Variants in OPCML observed in about 807,000 individuals in gnomAD.
OPCML encodes opioid binding protein/cell adhesion molecule like, also known as opioid-binding protein/cell adhesion molecule.
A neutral mutation model predicts 37.8 loss-of-function variants in OPCML; 13 were observed. That is an observed-to-expected ratio of 0.34 (90% confidence interval 0.22 to 0.55). The LOEUF is 0.55. Among genes scored for constraint, OPCML ranks in the 20% least tolerant of loss-of-function variants. The probability of loss-of-function intolerance (pLI) is 0.91; values close to 1 mark genes in which losing one functional copy is unlikely to be tolerated. For synonymous variants in OPCML, 176 were observed against 168.8 expected (o/e 1.04, Z -0.33); for missense variants, 341 against 435.6 (o/e 0.78, Z 1.93).
At chr11:132,749,141 C>T (rs1049394100) in intron 2 of OPCML, among the ~76,000 whole-genome samples, 2 of 152,114 alleles carry the variant, frequency 1.3e-5, no homozygotes, top group African/African-American at 4.8e-5. Flanking sequence ...CTCTTTCCAC[C>T]ATGTGAGGTT....
chr11:133,263,890 T>G (rs1184492088), intron 1 of OPCML, among the ~76,000 whole-genome samples: 2 of 152,202 alleles, frequency 1.3e-5, no homozygotes, highest in African/African-American at 4.8e-5. Flanking sequence ...GGAGTTATTT[T>G]GTAAAAGTTC....
intron 3 of OPCML, among the ~76,000 whole-genome samples, chr11:132,614,462 C>T (rs1938864020): frequency 6.6e-6 from 1 of 152,208 alleles, no homozygotes; most frequent in Admixed American, 6.5e-5. Context: ...GTGACACCTT[C>T]CTCTTCCGTC....
intron 1 of OPCML, among the ~76,000 whole-genome samples, chr11:133,432,361 T>A (rs528913997): frequency 1.1e-3 from 173 of 152,136 alleles, no homozygotes; most frequent in Middle Eastern, 3.4e-3. Context: ...TCTATTTTTT[T>A]AAAAAAAACA....
chr11:133,088,557 T>TGGGTTACAATACCAAAGG (rs1948852809), intron 1 of OPCML, among the ~76,000 whole-genome samples: 1 of 152,210 alleles, frequency 6.6e-6, no homozygotes, highest in African/African-American at 2.4e-5. Context: ...TCCAATGAAT[T>TGGGTTACAATACCAAAGG]GGGTTACAAT....
At chr11:132,916,973 A>G (rs527247675) in intron 2 of OPCML, among the ~76,000 whole-genome samples, 4 of 152,300 alleles carry the variant, frequency 2.6e-5, no homozygotes, top group African/African-American at 9.6e-5. Context: ...GGAGCTTCCC[A>G]TGAGGTCCCA....
intron 1 of OPCML, among the ~76,000 whole-genome samples, chr11:133,466,684 A>G (rs1718710004): frequency 6.6e-6 from 1 of 152,228 alleles, no homozygotes; most frequent in South Asian, 2.1e-4. Flanking sequence ...CAAAAAATAC[A>G]TTTCTTCATA....
At chr11:133,115,854 T>G (rs1418391764) in intron 1 of OPCML, among the ~76,000 whole-genome samples, 2 of 116,950 alleles carry the variant, frequency 1.7e-5, no homozygotes, top group Non-Finnish European at 3.7e-5. Context: ...GTTTACTTCC[T>G]TATATAAGTA....
intron 1 of OPCML, among the ~76,000 whole-genome samples, chr11:133,019,805 G>A (rs551736240): frequency 6.6e-6 from 1 of 152,020 alleles, no homozygotes; most frequent in Non-Finnish European, 1.5e-5. Context: ...TGACAGGAAG[G>A]GCCACTCCTG....
At position 133,021,198 on chromosome 11, in the gene OPCML, A is replaced by G. The variant is rs115509273; in HGVS notation, c.62-78188T>C. On this transcript the variant is annotated intron_variant, in intron 1 of 7. Coordinates refer to ENST00000524381, the MANE Select transcript of OPCML (RefSeq NM_001012393.5). The stretch of plus-strand genomic sequence containing the variant: ...GTCTTGTAAGAGGATACATACAGGT[A>G]AGAGAATGAACACAATGCAGTGTGG... 3.6e-3 allele frequency among the ~76,000 whole-genome samples: 553 copies of G among 152,312 alleles called. 2 individuals carry two copies. Among genetic ancestry groups the G allele is most frequent in the African/African-American group, 0.011 (441 of 41,564 alleles).
chr11:133,365,152 CAG>C (rs1331701726), intron 1 of OPCML, among the ~76,000 whole-genome samples: 3 of 152,154 alleles, frequency 2.0e-5, no homozygotes, highest in African/African-American at 4.8e-5. Context: ...GTGCAGTCAG[CAG>C]AGTTACACAG....
At position 133,055,219 on chromosome 11, in the gene OPCML, C is replaced by A. The variant is rs559524757; in HGVS notation, c.62-112209G>T. ...CAAGTGGTGAGACTCCATGAGGGAG[C>A]CACCTCTACCATATAATGCTGCCTC... On this transcript the variant is annotated intron_variant, in intron 1 of 7. Coordinates refer to ENST00000524381, the MANE Select transcript of OPCML (RefSeq NM_001012393.5). 6.3e-5 allele frequency among the ~76,000 whole-genome samples: 9 copies of A among 143,106 alleles called. 1 individual carries two copies. Among genetic ancestry groups the A allele is most frequent in the Admixed American group, 6.2e-4 (9 of 14,418 alleles). The allele number at this position is 143,106 out of a possible 152,430, so 93.9% of individuals were successfully genotyped here. A position where few individuals can be genotyped will look rare whatever the true frequency, so the allele number is the denominator to read the frequency against.
intron 3 of OPCML, among the ~76,000 whole-genome samples, chr11:132,542,092 G>A: frequency 6.6e-6 from 1 of 152,118 alleles, no homozygotes; most frequent in Non-Finnish European, 1.5e-5. Context: ...TGCGGAGTGT[G>A]AGCAGGGACA....
intron 1 of OPCML, among the ~76,000 whole-genome samples, chr11:133,391,135 C>T (rs1945165900): frequency 6.6e-6 from 1 of 152,172 alleles, no homozygotes; most frequent in Non-Finnish European, 1.5e-5. Flanking sequence ...TGAATGTCGA[C>T]GATGTTGCAA....
At chr11:132,884,108 GT>G (rs1228265586) in intron 2 of OPCML, among the ~76,000 whole-genome samples, 1 of 152,178 alleles carries the variant, frequency 6.6e-6, no homozygotes, top group South Asian at 2.1e-4. Context: ...TATAGCTGGG[GT>G]TATCCATTTG....
At chr11:132,659,327 A>G (rs1444130086) in intron 2 of OPCML, among the ~76,000 whole-genome samples, 3 of 152,206 alleles carry the variant, frequency 2.0e-5, no homozygotes, top group Non-Finnish European at 2.9e-5. Flanking sequence ...GTTGCAAATG[A>G]CTGATAAGGG....
chr11:133,140,789 A>AC (rs1352365926), intron 1 of OPCML, among the ~76,000 whole-genome samples: 2 of 127,568 alleles, frequency 1.6e-5, no homozygotes, highest in African/African-American at 6.2e-5. Context: ...GAAGACGACG[A>AC]AGAAGAAGAA....
intron 1 of OPCML, among the ~76,000 whole-genome samples, chr11:133,304,478 C>G (rs1488905885): frequency 1.3e-5 from 2 of 152,116 alleles, no homozygotes; most frequent in Non-Finnish European, 2.9e-5. Context: ...AAAAGCAATG[C>G]CAGAGAAAGG....
chr11:132,582,104 TTGTGTGTGTGTGTGTG>T lies in OPCML; in HGVS notation c.380-52934_380-52919del, dbSNP rs145244488. Among the ~76,000 whole-genome samples the T allele has an allele frequency of 1.1e-3, 154 of 140,500 alleles. 1 individual carries two copies. In the East Asian group the frequency reaches 0.018, roughly 16 times the overall value. The allele number at this position is 140,500 out of a possible 152,430, so 92.2% of individuals were successfully genotyped here. A position where few individuals can be genotyped will look rare whatever the true frequency, so the allele number is the denominator to read the frequency against. Reference sequence around the variant, plus strand: ...GATGGGACAACTATTCACACATACTTTGTGTGTGTGTGTGTGTGTGTGTGTGTGTGTGTGTGTGTGT... The same window carrying T: ...GATGGGACAACTATTCACACATACTTTGTGTGTGTGTGTGTGTGTGTGTGT... On this transcript the variant is annotated intron_variant, in intron 3 of 7. Transcript: ENST00000524381.
At chr11:132,746,830 G>C (rs1945651296) in intron 2 of OPCML, among the ~76,000 whole-genome samples, 1 of 152,150 alleles carries the variant, frequency 6.6e-6, no homozygotes, top group African/African-American at 2.4e-5. Context: ...GAGATAAAGA[G>C]CTGTCCTTCA....
Sources: gnomAD v4.1 joint callset for allele counts (sites outside exome capture counted in the v4.1 genomes callset) on GRCh38, gnomAD v4.1.1 for gene constraint, MANE v1.5 for transcripts, NCBI Gene and HGNC (gene_info 2026-07-23, HGNC 2026-07-21) for gene names.